EVI5L: variants seen among roughly 807,000 people sequenced by gnomAD.
EVI5L encodes the protein EVI5-like protein.
In EVI5L, 30 loss-of-function variants were observed where a neutral mutation model predicts 106.1. That is an observed-to-expected ratio of 0.28 (90% CI 0.21 to 0.38). The LOEUF is 0.38. EVI5L is among the 10% of genes least tolerant of loss of function. EVI5L has a pLI of 1.00. For synonymous variants in EVI5L, 489 were observed against 483.3 expected (o/e 1.01, Z -0.15); for missense variants, 809 against 1,098.0 (o/e 0.74, Z 3.72).
intron 1 of EVI5L, among the ~76,000 whole-genome samples, chr19:7,841,379 G>A (rs1288066168): frequency 6.6e-6 from 1 of 152,156 alleles, no homozygotes; most frequent in African/African-American, 2.4e-5. Context: ...AGAGAGGCAG[G>A]AAGGAAGCCA....
rs1979941574 is a variant in EVI5L at position 7,863,276 on chromosome 19, C to A, written c.2135C>A (p.Ala712Asp). Residue 712 changes from alanine (A) to aspartate (D), a missense_variant, in exon 19 of 20, where the codon GCC (alanine) becomes GAC (aspartate). By Grantham distance (126) the Ala-to-Asp change is moderately radical. This residue lies in a region of EVI5L where 452 missense variants were observed against 509.9 expected (regional missense o/e 0.89). Transcript: ENST00000538904. This position sits in a 1 kb window ranked among gnomAD's most constrained non-coding sequence, Gnocchi z 7.7. ...ELKDQIEELK[A>D]EVRLLKGPPP... ...AAGGACCAGATCGAGGAGCTGAAGG[C>A]CGAGGTGAGCCGGCGCGGGGATGCC... The A allele has an allele frequency of 1.3e-6, 2 of 1,554,740 alleles. No homozygotes were observed. The highest frequency in any genetic ancestry group is 1.7e-6 in the Non-Finnish European group (2 of 1,149,256).
At position 7,832,260 on chromosome 19, in the gene EVI5L, T is replaced by C. The variant is rs184668291; in HGVS notation, c.-48+1879T>C. Among the ~76,000 whole-genome samples the C allele has an allele frequency of 1.2e-3, 183 of 152,296 alleles. 3 individuals carry two copies. The East Asian group carries it at 0.032, about 27-fold the overall frequency. ...GGATGAGACAAGACAGGAGAGGAGA[T>C]GCTGGCGCGACACTGTGGCCAGGAC... On this transcript the variant is annotated intron_variant, in intron 1 of 19. Transcript: ENST00000538904.
At chr19:7,847,323 C>G (rs1978999010) in intron 2 of EVI5L, among the ~76,000 whole-genome samples, 1 of 151,428 alleles carries the variant, frequency 6.6e-6, no homozygotes, top group Non-Finnish European at 1.5e-5. Context: ...GGCAGTGGCT[C>G]AAGCCTGTAA....
rs1258843617 is a variant in EVI5L at position 7,848,142 on chromosome 19, T to C, written c.327+221T>C. Among the ~76,000 whole-genome samples, 1 of 152,118 alleles carries C rather than the reference T, an allele frequency of 6.6e-6. No homozygotes were observed. Among genetic ancestry groups the C allele is most frequent in the African/African-American group, 2.4e-5 (1 of 41,412 alleles). The stretch of plus-strand genomic sequence containing the variant: ...GGCCCTGCACCCTCGAGTGCCCATG[T>C]GCTTGCTGCCCTGTAGTGCCCATGA... On this transcript the variant is annotated intron_variant, in intron 3 of 19. Transcript: ENST00000538904. The surrounding 1 kb of genome is among the most constrained non-coding windows in gnomAD (Gnocchi z 4.8).
At position 7,863,798 on chromosome 19, in the gene EVI5L, T is replaced by G. The variant is rs1979983786; in HGVS notation, c.*96T>G. On this transcript the variant is annotated 3_prime_UTR_variant, in exon 20 of 20. Transcript: ENST00000538904. The surrounding 1 kb of genome is among the most constrained non-coding windows in gnomAD (Gnocchi z 7.7). ...TCCCCACCTGCCGCACTTGACAAAC[T>G]ACGCGCCCTCTGTGGCTCGGCCACC... is the stretch of plus-strand genomic sequence containing the variant. The G allele has an allele frequency of 1.4e-6, 2 of 1,397,258 alleles. No individual in the cohort carries two copies. Among genetic ancestry groups the G allele is most frequent in the African/African-American group, 3.0e-5 (2 of 66,352 alleles). The allele number at this position is 1,397,258 out of a possible 1,614,324, so 86.6% of individuals were successfully genotyped here.
intron 2 of EVI5L, among the ~76,000 whole-genome samples, chr19:7,846,922 C>T (rs1011174372): frequency 1.2e-4 from 18 of 152,210 alleles, no homozygotes; most frequent in African/African-American, 3.6e-4. Context: ...GTGAATCCGC[C>T]GCGGTTAATG....
chr19:7,860,719 CG>C, intron 14 of EVI5L, 30 bp downstream of exon 14: 8 of 1,548,760 alleles, frequency 5.2e-6, no homozygotes, highest in East Asian at 2.4e-5. Context: ...GGGCAGGTGT[CG>C]GGGGGACCCT....
At position 7,850,402 on chromosome 19, in the gene EVI5L, CA is replaced by C. The variant is rs1161892630; in HGVS notation, c.753+281del. Among the ~76,000 whole-genome samples the C allele has an allele frequency of 6.6e-6, 1 of 152,166 alleles. No homozygotes were observed. Among genetic ancestry groups the C allele is most frequent in the Non-Finnish European group, 1.5e-5 (1 of 68,022 alleles). ...GGGCTGCTGAGGCAGAGGGGTGGGG[CA>C]GGCTCACATCGGACACAGCCACAGC... On this transcript the variant is annotated intron_variant, in intron 6 of 19. Transcript: ENST00000538904. This position sits in a 1 kb window ranked among gnomAD's most constrained non-coding sequence, Gnocchi z 5.4.
chr19:7,851,737 G>A lies in EVI5L; in HGVS notation c.954G>A (p.Glu318=). The change falls in exon 8 of 20, where the codon GAG becomes GAA. Residue 318 remains glutamate (E), a synonymous_variant. Transcript: ENST00000538904. ...GLALLQVNQA[E]LMQLDMEGMS... Reference sequence around the variant, plus strand: ...CCCTGCTGCAGGTGAACCAGGCAGAGCTGATGCAGCTGGACATGGAGGGGA... The same window carrying A: ...CCCTGCTGCAGGTGAACCAGGCAGAACTGATGCAGCTGGACATGGAGGGGA... 6.6e-7 allele frequency: 1 copy of A among 1,514,482 alleles called. No homozygotes were observed. The highest frequency in any genetic ancestry group is 8.8e-7 in the Non-Finnish European group (1 of 1,134,040). 93.8% of individuals were successfully genotyped at this position (1,514,482 alleles called of 1,614,324 possible).
intron 10 of EVI5L, among the ~76,000 whole-genome samples, chr19:7,855,509 C>T (rs765326893): frequency 6.6e-6 from 1 of 152,234 alleles, no homozygotes; most frequent in Non-Finnish European, 1.5e-5. Flanking sequence ...AGGTTGCTCT[C>T]AGCAGGTCAT....
intron 1 of EVI5L, among the ~76,000 whole-genome samples, chr19:7,841,619 G>A (rs1978605202): frequency 6.6e-6 from 1 of 152,182 alleles, no homozygotes; most frequent in Admixed American, 6.5e-5. Flanking sequence ...TTGAGTGGGT[G>A]CTGGCAGGGG....
chr19:7,850,247 A>G lies in EVI5L; in HGVS notation c.753+125A>G. On this transcript the variant is annotated intron_variant, in intron 6 of 19. Coordinates refer to ENST00000538904, the MANE Select transcript of EVI5L (RefSeq NM_001159944.3). This position sits in a 1 kb window ranked among gnomAD's most constrained non-coding sequence, Gnocchi z 5.4. Reference sequence around the variant, plus strand: ...TAGACCATACCCGGGCACCTCTTGGACTGAAAATTCCAAGCCTGTGAAATC... The same window carrying G: ...TAGACCATACCCGGGCACCTCTTGGGCTGAAAATTCCAAGCCTGTGAAATC... The G allele has an allele frequency of 7.2e-7, 1 of 1,379,710 alleles. No individual in the cohort carries two copies. The highest frequency in any genetic ancestry group is 9.6e-7 in the Non-Finnish European group (1 of 1,040,034). 85.5% of individuals were successfully genotyped at this position (1,379,710 alleles called of 1,614,324 possible).
chr19:7,862,832 C>A, intron 17 of EVI5L, 140 bp from the exon 18 acceptor site: 2 of 535,502 alleles, frequency 3.7e-6, no homozygotes, highest in Non-Finnish European at 6.1e-6. Context: ...CCCGCGGTCC[C>A]GCCCCTGCCC....
At chr19:7,843,366 A>C (rs993015563) in intron 1 of EVI5L, among the ~76,000 whole-genome samples, 5 of 95,694 alleles carry the variant, frequency 5.2e-5, no homozygotes, top group African/African-American at 2.0e-4. Flanking sequence ...GAGTGTGAGA[A>C]TAGGCATGGG....
chr19:7,833,431 G>T (rs548685853), intron 1 of EVI5L, among the ~76,000 whole-genome samples: 6 of 152,222 alleles, frequency 3.9e-5, no homozygotes, highest in African/African-American at 1.4e-4. Context: ...ATTGCAGCAC[G>T]CGCCCTTGCC....
intron 5 of EVI5L, 75 bp from the exon 6 acceptor site, chr19:7,849,922 A>G: frequency 8.0e-7 from 1 of 1,247,194 alleles, no homozygotes; most frequent in Non-Finnish European, 1.1e-6. Context: ...CCTGTACCCC[A>G]GGGCCCTGAT....
Position 7,845,162 on chromosome 19 carries a change from C to A in EVI5L, c.-47-1334C>A, listed in dbSNP as rs1978897637. ...GGGGTCAAGTGGCACACGGCAGACT[C>A]CTGCTACAGAGCGTGCCGGGCAGTG... On this transcript the variant is annotated intron_variant, in intron 1 of 19. Transcript: ENST00000538904. The surrounding 1 kb of genome is among the most constrained non-coding windows in gnomAD (Gnocchi z 4.0). 6.6e-6 allele frequency among the ~76,000 whole-genome samples: 1 copy of A among 152,168 alleles called. No individual in the cohort carries two copies. The highest frequency in any genetic ancestry group is 2.4e-5 in the African/African-American group (1 of 41,426).
At chr19:7,852,059 C>T (rs1238088228) in intron 8 of EVI5L, among the ~76,000 whole-genome samples, 1 of 152,144 alleles carries the variant, frequency 6.6e-6, no homozygotes, top group East Asian at 1.9e-4. Context: ...CCCCCAACCC[C>T]GCAGATGCCC....
At position 7,846,522 on chromosome 19, in the gene EVI5L, C is replaced by T. The variant is rs777065843; in HGVS notation, c.-21C>T. 22 of 1,599,320 alleles carry T rather than the reference C, an allele frequency of 1.4e-5. No individual in the cohort carries two copies. The highest frequency in any genetic ancestry group is 8.8e-5 in the Admixed American group (5 of 56,808). ...CAGAGCTGTGAACCAACCCCGCTCA[C>T]GGCTAACAAGCCCACCCACCATGGC... On this transcript the variant is annotated 5_prime_UTR_variant, in exon 2 of 20. In the 5' UTR this introduces an upstream ATG that the reference lacks. Transcript: ENST00000538904.
Sources: allele counts gnomAD v4.1 joint callset (sites outside exome capture counted in the v4.1 genomes callset), GRCh38; gene constraint gnomAD v4.1.1; regional missense constraint gnomAD v4.1.1; non-coding constraint Gnocchi (gnomAD v3.1); transcripts MANE v1.5; gene names NCBI Gene and HGNC (gene_info 2026-07-23, HGNC 2026-07-21).